The following SPPL3 variants were observed in gnomAD, a reference collection of about 807,000 sequenced individuals.
The protein encoded by SPPL3 is signal peptide peptidase like 3.
SPPL3 carries 5 observed loss-of-function variants against 42.4 expected under a neutral mutation model. That is an observed-to-expected ratio of 0.12 (90% CI 0.06 to 0.25). SPPL3 has a LOEUF of 0.25. SPPL3 is among the 10% of genes least tolerant of loss of function. SPPL3 has a pLI of 1.00. For synonymous variants in SPPL3, 195 were observed against 181.8 expected, an observed-to-expected ratio of 1.07 and a Z score of -0.58; for missense variants, 235 against 489.0, an observed-to-expected ratio of 0.48 and a Z score of 4.90.
chr12:120,883,011 C>T (rs1285848423), intron 1 of SPPL3, among the ~76,000 whole-genome samples: 2 of 152,064 alleles, frequency 1.3e-5, no homozygotes, highest in Non-Finnish European at 2.9e-5. Context: ...ATATATAAAA[C>T]TTAATTCTAG....
chr12:120,889,650 G>A (rs1197432190), intron 1 of SPPL3, among the ~76,000 whole-genome samples: 1 of 152,174 alleles, frequency 6.6e-6, no homozygotes, highest in Non-Finnish European at 1.5e-5. Flanking sequence ...CCAATCTGTA[G>A]ATTCATAAGT....
intron 1 of SPPL3, among the ~76,000 whole-genome samples, chr12:120,884,411 C>T (rs530680086): frequency 6.6e-6 from 1 of 152,002 alleles, no homozygotes; most frequent in Non-Finnish European, 1.5e-5. Context: ...AAATGATCTA[C>T]AGTTCCTATA....
At chr12:120,844,869 A>G (rs1336199575) in intron 1 of SPPL3, among the ~76,000 whole-genome samples, 1 of 142,406 alleles carries the variant, frequency 7.0e-6, no homozygotes, top group South Asian at 2.2e-4. Context: ...TTTTACAATT[A>G]AAAAAAAAAA....
chr12:120,875,734 A>G (rs968270886), intron 1 of SPPL3, among the ~76,000 whole-genome samples: 1 of 89,166 alleles, frequency 1.1e-5, no homozygotes, highest in Non-Finnish European at 3.5e-5. Context: ...CCAAGAAGGA[A>G]AAAAATTTTA....
intron 1 of SPPL3, among the ~76,000 whole-genome samples, chr12:120,896,617 T>C (rs1023685557): frequency 2.7e-4 from 41 of 151,990 alleles, no homozygotes; most frequent in African/African-American, 9.4e-4. Context: ...CTACTAAAGA[T>C]ACAGAAAACA....
At chr12:120,800,023 T>A (rs1002118436) in intron 2 of SPPL3, among the ~76,000 whole-genome samples, 4 of 152,232 alleles carry the variant, frequency 2.6e-5, no homozygotes, top group African/African-American at 4.8e-5. Context: ...GACATCAGAT[T>A]GCTAGGTTGG....
At chr12:120,871,504 G>C (rs1281118932) in intron 1 of SPPL3, among the ~76,000 whole-genome samples, 1 of 152,080 alleles carries the variant, frequency 6.6e-6, no homozygotes, top group Non-Finnish European at 1.5e-5. Context: ...TGTAATTCCA[G>C]CATTTTGGGA....
At chr12:120,891,303 A>G (rs1041168370) in intron 1 of SPPL3, among the ~76,000 whole-genome samples, 1 of 152,082 alleles carries the variant, frequency 6.6e-6, no homozygotes, top group Non-Finnish European at 1.5e-5. Context: ...ACTAACTCCT[A>G]ATCTCCCAAA....
At chr12:120,799,547 T>C (rs1870218804) in intron 2 of SPPL3, among the ~76,000 whole-genome samples, 1 of 152,092 alleles carries the variant, frequency 6.6e-6, no homozygotes, top group South Asian at 2.1e-4. Flanking sequence ...AGGAAAGCCT[T>C]AGGCAGGAAT....
At chr12:120,815,440 A>G (rs1870835697) in intron 1 of SPPL3, among the ~76,000 whole-genome samples, 1 of 152,176 alleles carries the variant, frequency 6.6e-6, no homozygotes, top group African/African-American at 2.4e-5. Context: ...TTAAAAGGCA[A>G]TTTAAAGTTT....
rs1439412121 is a variant in SPPL3 at position 120,871,080 on chromosome 12, A to G, written c.23+32765T>C. On this transcript the variant is annotated intron_variant, in intron 1 of 10. Transcript: ENST00000353487. ...AGGAGGCAGAAGTTGCAGTGAGCTG[A>G]GATCATGCCACTGCACTCCAGCCTG... is the stretch of plus-strand genomic sequence containing the variant. Among the ~76,000 whole-genome samples the G allele has an allele frequency of 3.7e-5, 5 of 134,510 alleles. No homozygotes were observed. The East Asian group carries it at 1.3e-3, about 36-fold the overall frequency. 88.2% of individuals were successfully genotyped at this position (134,510 alleles called of 152,430 possible).
chr12:120,853,902 G>C (rs1000601775), intron 1 of SPPL3, among the ~76,000 whole-genome samples: 5 of 150,466 alleles, frequency 3.3e-5, no homozygotes, highest in Non-Finnish European at 5.9e-5. Context: ...ATTTGTATTT[G>C]GAATAGCAAA....
intron 1 of SPPL3, among the ~76,000 whole-genome samples, chr12:120,869,695 G>A (rs546598997): frequency 6.6e-5 from 10 of 152,082 alleles, no homozygotes; most frequent in African/African-American, 1.2e-4. Flanking sequence ...TAGCATTTTC[G>A]CTACTACACA....
At chr12:120,863,605 T>C (rs968505204) in intron 1 of SPPL3, among the ~76,000 whole-genome samples, 1 of 152,204 alleles carries the variant, frequency 6.6e-6, no homozygotes, top group Admixed American at 6.5e-5. Flanking sequence ...TTTCAGGTAA[T>C]CGTAGATATT....
At chr12:120,769,207 T>C in intron 6 of SPPL3, 148 bp from the exon 7 acceptor site, 3 of 610,472 alleles carry the variant, frequency 4.9e-6, no homozygotes. Context: ...TACATGCAAC[T>C]GGTGCAAAAC....
At chr12:120,850,022 A>T (rs1232577967) in intron 1 of SPPL3, among the ~76,000 whole-genome samples, 1 of 152,174 alleles carries the variant, frequency 6.6e-6, no homozygotes, top group Non-Finnish European at 1.5e-5. Flanking sequence ...CGGCCATGGA[A>T]AACCCCAAGT....
intron 1 of SPPL3, among the ~76,000 whole-genome samples, chr12:120,837,045 G>A (rs1444114700): frequency 1.3e-5 from 2 of 152,030 alleles, no homozygotes; most frequent in Non-Finnish European, 2.9e-5. Context: ...ATTTCAAAAT[G>A]GTGACATTAA....
At chr12:120,826,036 G>A (rs1871222329) in intron 1 of SPPL3, among the ~76,000 whole-genome samples, 1 of 124,948 alleles carries the variant, frequency 8.0e-6, no homozygotes, top group African/African-American at 2.6e-5. Flanking sequence ...GCTCACGCCT[G>A]TAATCCCAGC....
intron 1 of SPPL3, among the ~76,000 whole-genome samples, chr12:120,857,331 C>T (rs1368490476): frequency 3.3e-5 from 5 of 152,172 alleles, no homozygotes; most frequent in African/African-American, 9.7e-5. Context: ...ACAACAGATG[C>T]TGGCGAGGCT....
Sources: gnomAD v4.1 joint callset for allele counts (sites outside exome capture counted in the v4.1 genomes callset) on GRCh38, gnomAD v4.1.1 for gene constraint, MANE v1.5 for transcripts, NCBI Gene and HGNC (gene_info 2026-07-23, HGNC 2026-07-21) for gene names.